The following A4GALT variants were observed in gnomAD, a reference collection of about 807,000 sequenced individuals.
The protein encoded by A4GALT is lactosylceramide 4-alpha-galactosyltransferase.
For synonymous variants in A4GALT, 257 were observed against 220.7 expected (o/e 1.16, Z -1.46); for missense variants, 512 against 486.0 (o/e 1.05, Z -0.50).
chr22:42,702,114 TCTCTCTCTCTC>T (rs952523093), intron 1 of A4GALT, among the ~76,000 whole-genome samples: 7 of 151,994 alleles, frequency 4.6e-5, no homozygotes, highest in African/African-American at 1.7e-4. Context: ...TCTCTCTCTT[TCTCTCTCTCTC>T]CTTTCTCTCT....
Position 42,692,897 on chromosome 22 carries a change from T to C in A4GALT, c.1055A>G (p.Tyr352Cys), listed in dbSNP as rs775817266. 1 of 1,601,900 alleles carries C rather than the reference T, an allele frequency of 6.2e-7. No individual in the cohort carries two copies. The highest frequency in any genetic ancestry group is 1.3e-5 in the African/African-American group (1 of 75,028). ...GGTGACCTGGCGGGCCCCTCACAAG[T>C]ACATTTTCATGGCCTCGTGCGTCGT... Reference protein sequence around the residue: ...CPTTHEAMKMYL With the variant: ...CPTTHEAMKMCL Residue 352 changes from tyrosine (Y) to cysteine (C), a missense_variant, in exon 3 of 3, where the codon TAC (tyrosine) becomes TGC (cysteine). Coordinates refer to ENST00000642412, the MANE Select transcript of A4GALT (RefSeq NM_017436.7). This position sits in a 1 kb window ranked among gnomAD's most constrained non-coding sequence, Gnocchi z 4.6.
intron 1 of A4GALT, among the ~76,000 whole-genome samples, chr22:42,714,602 A>C (rs999466116): frequency 4.0e-5 from 6 of 151,646 alleles, no homozygotes; most frequent in Admixed American, 4.0e-4. Flanking sequence ...ATGGTGAAAC[A>C]CTGTCTCTAC....
In A4GALT at chr22:42,705,558, G is replaced by A. The variant is rs1422237434; in HGVS notation, c.-187-9927C>T. Among the ~76,000 whole-genome samples the A allele has an allele frequency of 1.8e-5, 2 of 114,084 alleles. 1 individual carries two copies. Among genetic ancestry groups the A allele is most frequent in the Non-Finnish European group, 4.0e-5 (2 of 50,064 alleles). The allele number at this position is 114,084 out of a possible 152,430, so 74.8% of individuals were successfully genotyped here. On this transcript the variant is annotated intron_variant, in intron 1 of 2. Coordinates refer to ENST00000642412, the MANE Select transcript of A4GALT (RefSeq NM_017436.7). The stretch of plus-strand genomic sequence containing the variant: ...GTAGAGGCTGTGGTGAGCTGAGATC[G>A]TACCACTGCACTCCAGCCTGGGCGA...
At chr22:42,700,803 C>T (rs1931248784) in intron 1 of A4GALT, among the ~76,000 whole-genome samples, 1 of 152,252 alleles carries the variant, frequency 6.6e-6, no homozygotes, top group South Asian at 2.1e-4. Context: ...AACAGGCCCT[C>T]AACAGATGTG....
At chr22:42,719,036 G>A (rs1922452807) in intron 1 of A4GALT, among the ~76,000 whole-genome samples, 1 of 152,208 alleles carries the variant, frequency 6.6e-6, no homozygotes, top group East Asian at 1.9e-4. Flanking sequence ...TGGGGCTGAT[G>A]TGGTAGTTCA....
chr22:42,693,591 T>C lies in A4GALT; in HGVS notation c.361A>G (p.Asn121Asp), dbSNP rs1416516393. 1 of 1,613,528 alleles carries C rather than the reference T, an allele frequency of 6.2e-7. No homozygotes were observed. The highest frequency in any genetic ancestry group is 8.5e-7 in the Non-Finnish European group (1 of 1,179,998). ...LVLMKGLPGG[N>D]ASLPRHLGIS... ...CCCAGGTGCCGGGGCAGAGAGGCGT[T>C]GCCACCCGGAAGCCCTTTCATCAGG... is the stretch of plus-strand genomic sequence containing the variant. Residue 121 changes from asparagine to aspartate, a missense_variant, in exon 3 of 3, where the codon AAC (asparagine) becomes GAC (aspartate). Coordinates refer to ENST00000642412, the MANE Select transcript of A4GALT (RefSeq NM_017436.7).
At chr22:42,708,176 T>C (rs1364487931) in intron 1 of A4GALT, among the ~76,000 whole-genome samples, 2 of 149,146 alleles carry the variant, frequency 1.3e-5, no homozygotes, top group Non-Finnish European at 3.0e-5. Context: ...TCACCTGAGG[T>C]TGGGAGTTCA....
At chr22:42,709,069 T>TATA (rs1569059842) in intron 1 of A4GALT, among the ~76,000 whole-genome samples, 19 of 46,060 alleles carry the variant, frequency 4.1e-4, no homozygotes, top group African/African-American at 6.9e-4. Flanking sequence ...ATATATATAT[T>TATA]TTTTTTAAGA....
At chr22:42,705,458 CT>C (rs1339683848) in intron 1 of A4GALT, among the ~76,000 whole-genome samples, 3 of 139,622 alleles carry the variant, frequency 2.1e-5, no homozygotes, top group African/African-American at 7.5e-5. Context: ...AAAAAATTAG[CT>C]GGGCATGGTG....
chr22:42,701,485 G>A (rs1267029662), intron 1 of A4GALT, among the ~76,000 whole-genome samples: 1 of 152,130 alleles, frequency 6.6e-6, no homozygotes, highest in African/African-American at 2.4e-5. Flanking sequence ...CACTAACATA[G>A]CAGCTCCATA....
At chr22:42,713,827 A>G (rs866949585) in intron 1 of A4GALT, among the ~76,000 whole-genome samples, 15 of 121,056 alleles carry the variant, frequency 1.2e-4, no homozygotes, top group East Asian at 8.5e-4. Flanking sequence ...AAAAAAAAAA[A>G]AAAGACAGAC....
At chr22:42,720,412 G>A (rs1024678309) in intron 1 of A4GALT, among the ~76,000 whole-genome samples, 1 of 152,116 alleles carries the variant, frequency 6.6e-6, no homozygotes, top group Non-Finnish European at 1.5e-5. Flanking sequence ...ACGGAGGAGC[G>A]CGACTCACCC....
At chr22:42,716,262 C>A (rs1418568290) in intron 1 of A4GALT, among the ~76,000 whole-genome samples, 1 of 152,188 alleles carries the variant, frequency 6.6e-6, no homozygotes, top group East Asian at 1.9e-4. Flanking sequence ...GGGTGCATGA[C>A]CATCCTCTCC....
chr22:42,703,257 T>G (rs1445198884), intron 1 of A4GALT, among the ~76,000 whole-genome samples: 2 of 107,548 alleles, frequency 1.9e-5, no homozygotes, highest in Admixed American at 1.7e-4. Context: ...TTGTTTGTTT[T>G]TGTTTTTTTT....
chr22:42,719,367 G>C (rs1352705851), intron 1 of A4GALT, among the ~76,000 whole-genome samples: 1 of 152,164 alleles, frequency 6.6e-6, no homozygotes, highest in Non-Finnish European at 1.5e-5. Context: ...GGAAGCTGGG[G>C]TGGGAGGATC....
intron 1 of A4GALT, among the ~76,000 whole-genome samples, chr22:42,702,608 A>G (rs529591314): frequency 2.6e-5 from 4 of 152,316 alleles, no homozygotes; most frequent in African/African-American, 9.6e-5. Context: ...AAGTGCTGGG[A>G]TTACAGGCGT....
intron 1 of A4GALT, among the ~76,000 whole-genome samples, chr22:42,714,734 A>T (rs1922015009): frequency 6.6e-6 from 1 of 151,204 alleles, no homozygotes; most frequent in South Asian, 2.1e-4. Context: ...GTGCCATTGC[A>T]CTACAGGCTG....
intron 1 of A4GALT, among the ~76,000 whole-genome samples, chr22:42,715,178 A>C (rs1922061652): frequency 6.6e-6 from 1 of 151,986 alleles, no homozygotes; most frequent in South Asian, 2.1e-4. Context: ...CGTCTTAGAG[A>C]TCTAAGAGAG....
chr22:42,700,189 G>A (rs530082578), intron 1 of A4GALT, among the ~76,000 whole-genome samples: 1 of 152,192 alleles, frequency 6.6e-6, no homozygotes, highest in Non-Finnish European at 1.5e-5. Context: ...GGAAATGATT[G>A]TATGTGTTTT....
Sources: allele counts gnomAD v4.1 joint callset (sites outside exome capture counted in the v4.1 genomes callset), GRCh38; gene constraint gnomAD v4.1.1; non-coding constraint Gnocchi (gnomAD v3.1); transcripts MANE v1.5; gene names NCBI Gene and HGNC (gene_info 2026-07-23, HGNC 2026-07-21).